Variants in SHISA6 observed in about 807,000 individuals in gnomAD.
SHISA6 encodes shisa family member 6.
Under a neutral mutation model 47.9 loss-of-function variants are expected in SHISA6, and 22 were observed. The ratio of observed to expected loss-of-function variants is 0.46; its 90% confidence interval spans 0.33 to 0.66. The LOEUF (loss-of-function observed/expected upper bound fraction) is 0.66, where lower values mean the gene tolerates loss of function less well. Ranked by LOEUF, SHISA6 falls within the 30% of genes least tolerant of loss-of-function variation. The pLI, the probability that SHISA6 is intolerant of heterozygous loss-of-function variation, is 0.02. For missense variants in SHISA6, 680 were observed against 764.6 expected (o/e 0.89, Z 1.30); for synonymous variants, 388 against 337.8 (o/e 1.15, Z -1.63).
intron 2 of SHISA6, among the ~76,000 whole-genome samples, chr17:11,346,347 C>T (rs1174116019): frequency 1.3e-5 from 2 of 152,076 alleles, no homozygotes; most frequent in African/African-American, 4.8e-5. Flanking sequence ...GTATATGTTA[C>T]AGGATTTGGT....
chr17:11,305,370 C>A (rs1046175256), intron 2 of SHISA6, among the ~76,000 whole-genome samples: 1 of 152,144 alleles, frequency 6.6e-6, no homozygotes, highest in Non-Finnish European at 1.5e-5. Context: ...AAATAAATTT[C>A]TGAGATCAAT....
chr17:11,528,910 T>A (rs976506503), intron 3 of SHISA6, among the ~76,000 whole-genome samples: 1 of 152,230 alleles, frequency 6.6e-6, no homozygotes, highest in Non-Finnish European at 1.5e-5. Context: ...TAGTCTTAAA[T>A]GGCCGGGCGT....
intron 3 of SHISA6, among the ~76,000 whole-genome samples, chr17:11,399,454 CT>C (rs1269847585): frequency 1.3e-5 from 2 of 152,142 alleles, no homozygotes; most frequent in Non-Finnish European, 2.9e-5. Context: ...TGGAGTCTCA[CT>C]CTGTCACCCA....
At chr17:11,271,317 A>G (rs1172190107) in intron 2 of SHISA6, among the ~76,000 whole-genome samples, 3 of 152,146 alleles carry the variant, frequency 2.0e-5, no homozygotes, top group Non-Finnish European at 2.9e-5. Context: ...GGTTGAAAGC[A>G]TGGTTATTAA....
chr17:11,265,316 G>T (rs1033176657), intron 2 of SHISA6, among the ~76,000 whole-genome samples: 2 of 151,878 alleles, frequency 1.3e-5, no homozygotes, highest in African/African-American at 4.8e-5. Flanking sequence ...AAGCCCAATG[G>T]TTCTTAAACT....
At chr17:11,446,336 C>G (rs1384833050) in intron 3 of SHISA6, among the ~76,000 whole-genome samples, 1 of 152,124 alleles carries the variant, frequency 6.6e-6, no homozygotes, top group Non-Finnish European at 1.5e-5. Flanking sequence ...ACACACACAC[C>G]ACACACACTA....
intron 2 of SHISA6, among the ~76,000 whole-genome samples, chr17:11,282,547 C>A (rs1009378154): frequency 3.9e-5 from 6 of 152,166 alleles, no homozygotes; most frequent in African/African-American, 1.2e-4. Flanking sequence ...ATCCCTCCCC[C>A]AGTCCCCCAC....
intron 2 of SHISA6, chr17:11,289,910 AT>A (rs1567562094): frequency 6.6e-6 from 1 of 151,184 alleles, no homozygotes; most frequent in Non-Finnish European, 1.5e-5. Context: ...ATTACTAATT[AT>A]TTTAATTTAT....
intron 3 of SHISA6, among the ~76,000 whole-genome samples, chr17:11,426,112 C>G (rs185984710): frequency 1.4e-4 from 21 of 152,270 alleles, no homozygotes; most frequent in Non-Finnish European, 1.9e-4. Context: ...TATTAGATGG[C>G]AAAAACAAAT....
At chr17:11,243,612 T>A (rs1261567291) in intron 1 of SHISA6, among the ~76,000 whole-genome samples, 1 of 152,172 alleles carries the variant, frequency 6.6e-6, no homozygotes, top group East Asian at 1.9e-4. Context: ...GACAGTTTCT[T>A]TTGCATCTTG....
intron 3 of SHISA6, among the ~76,000 whole-genome samples, chr17:11,414,071 CTCT>C (rs529573456): frequency 8.6e-5 from 13 of 151,644 alleles, no homozygotes; most frequent in African/African-American, 3.1e-4. Context: ...TCTTCCTCCC[CTCT>C]TCTTCCTCCT....
chr17:11,323,271 C>G (rs1672832512), intron 2 of SHISA6, among the ~76,000 whole-genome samples: 4 of 152,142 alleles, frequency 2.6e-5, no homozygotes, highest in Admixed American at 2.6e-4. Flanking sequence ...TCATCTCATC[C>G]AACTTCCTTT....
intron 3 of SHISA6, among the ~76,000 whole-genome samples, chr17:11,454,612 G>T (rs143616572): frequency 6.6e-6 from 1 of 152,232 alleles, no homozygotes; most frequent in Non-Finnish European, 1.5e-5. Flanking sequence ...CAGGCCTGTG[G>T]ACACCCTGCC....
At chr17:11,288,628 A>G (rs1293646922) in intron 2 of SHISA6, 1 of 152,188 alleles carries the variant, frequency 6.6e-6, no homozygotes, top group Non-Finnish European at 1.5e-5. Flanking sequence ...CTTTATTTGC[A>G]TATATACCTA....
At chr17:11,244,843 G>A (rs747324826) in intron 1 of SHISA6, among the ~76,000 whole-genome samples, 50 of 152,168 alleles carry the variant, frequency 3.3e-4, no homozygotes, top group Non-Finnish European at 6.8e-4. Context: ...AAGATGATAG[G>A]TGGGCAGACA....
At chr17:11,366,563 T>A (rs548502377) in intron 2 of SHISA6, among the ~76,000 whole-genome samples, 2 of 152,188 alleles carry the variant, frequency 1.3e-5, no homozygotes, top group East Asian at 3.9e-4. Context: ...AGAGAGTCGA[T>A]GGAAGTGGGT....
intron 2 of SHISA6, among the ~76,000 whole-genome samples, chr17:11,347,224 T>C (rs972548713): frequency 2.7e-5 from 4 of 149,782 alleles, no homozygotes; most frequent in Non-Finnish European, 5.9e-5. Flanking sequence ...CAAAGAAGCC[T>C]GAGCCTAGAA....
chr17:11,527,075 C>T (rs2071693569), intron 3 of SHISA6, among the ~76,000 whole-genome samples: 2 of 151,806 alleles, frequency 1.3e-5, no homozygotes, highest in African/African-American at 4.8e-5. Context: ...AACCCTTTAC[C>T]ACCCAAGAAT....
rs1000855877 is a variant in SHISA6 at position 11,386,305 on chromosome 17, G to A, written c.895+6796G>A. On this transcript the variant is annotated intron_variant, in intron 3 of 5. Coordinates refer to ENST00000441885, the MANE Select transcript of SHISA6 (RefSeq NM_207386.4). ...CAGGAGAATCACTTGAACTCGGGAG[G>A]TGGAAGTTGCAGTGAGCCGAGATCA... Among the ~76,000 whole-genome samples, 5 of 152,260 alleles carry A rather than the reference G, an allele frequency of 3.3e-5. No homozygotes were observed. The South Asian group carries it at 6.2e-4, about 19-fold the overall frequency.
Sources: gnomAD v4.1 joint callset for allele counts (sites outside exome capture counted in the v4.1 genomes callset) on GRCh38, gnomAD v4.1.1 for gene constraint, MANE v1.5 for transcripts, NCBI Gene and HGNC (gene_info 2026-07-23, HGNC 2026-07-21) for gene names.